Variants in SPOCK1 observed in about 807,000 individuals in gnomAD.
The protein encoded by SPOCK1 is testican-1.
In SPOCK1, 23 loss-of-function variants were observed where a neutral mutation model predicts 55.3. That is an observed-to-expected ratio of 0.42 (90% CI 0.30 to 0.59). The LOEUF is 0.59. SPOCK1 is among the 20% of genes least tolerant of loss of function. SPOCK1 has a pLI of 0.22. For missense variants in SPOCK1, 499 were observed against 552.5 expected (o/e 0.90, Z 0.97); for synonymous variants, 226 against 221.0 (o/e 1.02, Z -0.20).
chr5:137,396,653 T>A (rs1751855337), intron 2 of SPOCK1, among the ~76,000 whole-genome samples: 1 of 152,246 alleles, frequency 6.6e-6, no homozygotes, highest in African/African-American at 2.4e-5. Flanking sequence ...TCTGGTTATC[T>A]ACTCTGTTTC....
chr5:136,982,755 C>CATCTG (rs1750755633), intron 9 of SPOCK1, among the ~76,000 whole-genome samples: 1 of 152,032 alleles, frequency 6.6e-6, no homozygotes, highest in Admixed American at 6.6e-5. Context: ...TTCATTATTG[C>CATCTG]ATCTGAATAG....
At chr5:137,370,953 C>T (rs899829300) in intron 2 of SPOCK1, among the ~76,000 whole-genome samples, 1 of 152,238 alleles carries the variant, frequency 6.6e-6, no homozygotes, top group African/African-American at 2.4e-5. Flanking sequence ...GGCTGTGCTG[C>T]TCTCACAGCT....
intron 2 of SPOCK1, among the ~76,000 whole-genome samples, chr5:137,322,920 C>T (rs906112275): frequency 4.0e-5 from 6 of 151,894 alleles, no homozygotes; most frequent in South Asian, 2.1e-4. Context: ...TATGTCATAA[C>T]GTGGTAAAAG....
rs756493898 is a variant in SPOCK1, at chr5:137,227,712, TG to T, written c.232+39297del. ...AAGGTCACAGCTTCAGATCAGACCC[TG>T]GGGCTTTGCAAACAAAGATGAGGGC... On this transcript the variant is annotated intron_variant, in intron 3 of 10. Coordinates refer to ENST00000394945, the MANE Select transcript of SPOCK1 (RefSeq NM_004598.4). Among the ~76,000 whole-genome samples, 18 of 152,316 alleles carry T rather than the reference TG, an allele frequency of 1.2e-4. No individual in the cohort carries two copies. The Middle Eastern group carries it at 0.01, about 86-fold the overall frequency.
intron 2 of SPOCK1, among the ~76,000 whole-genome samples, chr5:137,319,947 G>A (rs865872835): frequency 1.2e-4 from 6 of 48,848 alleles, no homozygotes; most frequent in African/African-American, 5.9e-4. Flanking sequence ...GCGAGACTCC[G>A]TCTCAAAAAA....
At chr5:137,198,461 G>T (rs903763548) in intron 3 of SPOCK1, among the ~76,000 whole-genome samples, 1 of 152,230 alleles carries the variant, frequency 6.6e-6, no homozygotes, top group South Asian at 2.1e-4. Flanking sequence ...ATCAAAGGGA[G>T]AAAGGAAAGT....
At chr5:137,251,559 A>T (rs1334209767) in intron 3 of SPOCK1, among the ~76,000 whole-genome samples, 1 of 152,168 alleles carries the variant, frequency 6.6e-6, no homozygotes, top group African/African-American at 2.4e-5. Flanking sequence ...CTCCGATTTG[A>T]CAGAGCAGCC....
At chr5:137,275,500 G>A (rs758557455) in intron 2 of SPOCK1, among the ~76,000 whole-genome samples, 1 of 152,216 alleles carries the variant, frequency 6.6e-6, no homozygotes. Flanking sequence ...AGGGCAGGAG[G>A]TGCTGATTCA....
intron 2 of SPOCK1, among the ~76,000 whole-genome samples, chr5:137,495,202 T>C (rs1253791316): frequency 6.6e-6 from 1 of 152,218 alleles, no homozygotes; most frequent in African/African-American, 2.4e-5. Flanking sequence ...AAGGCTTTAC[T>C]TCTAAAAAGA....
chr5:137,135,410 T>C (rs746592569), intron 4 of SPOCK1, among the ~76,000 whole-genome samples: 1 of 152,194 alleles, frequency 6.6e-6, no homozygotes, highest in African/African-American at 2.4e-5. Context: ...GCTTAAAGAC[T>C]TTCTGTTTGT....
intron 3 of SPOCK1, among the ~76,000 whole-genome samples, chr5:137,152,984 C>T (rs1580778828): frequency 6.6e-6 from 1 of 152,346 alleles, no homozygotes; most frequent in East Asian, 1.9e-4. Context: ...TGTAAGTCTG[C>T]TAAATCCAGT....
intron 6 of SPOCK1, among the ~76,000 whole-genome samples, chr5:137,060,465 G>A (rs1752376348): frequency 6.6e-6 from 1 of 152,138 alleles, no homozygotes; most frequent in African/African-American, 2.4e-5. Flanking sequence ...GAGTGTGGGA[G>A]GAGGGTGAGG....
chr5:137,250,086 G>A (rs763771286), intron 3 of SPOCK1, among the ~76,000 whole-genome samples: 9 of 152,246 alleles, frequency 5.9e-5, no homozygotes, highest in East Asian at 1.9e-4. Context: ...TAAAGTAGGT[G>A]AAAAACTTAA....
At chr5:137,435,598 T>C (rs1400513854) in intron 2 of SPOCK1, among the ~76,000 whole-genome samples, 1 of 152,214 alleles carries the variant, frequency 6.6e-6, no homozygotes, top group African/African-American at 2.4e-5. Context: ...GGGGCACATA[T>C]AAGCCATCCT....
At chr5:137,179,036 T>C (rs1261872169) in intron 3 of SPOCK1, among the ~76,000 whole-genome samples, 2 of 152,330 alleles carry the variant, frequency 1.3e-5, no homozygotes, top group South Asian at 2.1e-4. Flanking sequence ...GGCTAATACA[T>C]GACTGACTAC....
intron 2 of SPOCK1, among the ~76,000 whole-genome samples, chr5:137,459,544 CG>C (rs1260897921): frequency 6.6e-6 from 1 of 151,288 alleles, no homozygotes; most frequent in East Asian, 1.9e-4. Context: ...AAGAGCTGAC[CG>C]GAACACCAAG....
At chr5:137,281,599 C>A (rs912125417) in intron 2 of SPOCK1, among the ~76,000 whole-genome samples, 1 of 152,250 alleles carries the variant, frequency 6.6e-6, no homozygotes. Flanking sequence ...CAGAAATATG[C>A]AGGAGAAAGC....
intron 5 of SPOCK1, among the ~76,000 whole-genome samples, chr5:137,069,245 C>T (rs1752564664): frequency 6.6e-6 from 1 of 152,178 alleles, no homozygotes; most frequent in Non-Finnish European, 1.5e-5. Flanking sequence ...TGTGTCACTC[C>T]AATGATCACC....
intron 2 of SPOCK1, among the ~76,000 whole-genome samples, chr5:137,285,526 G>GA (rs1436613027): frequency 6.6e-6 from 1 of 152,114 alleles, no homozygotes; most frequent in Non-Finnish European, 1.5e-5. Flanking sequence ...AAGACCGTCA[G>GA]AAAAATGGCC....
Sources: gnomAD v4.1 joint callset for allele counts (sites outside exome capture counted in the v4.1 genomes callset) on GRCh38, gnomAD v4.1.1 for gene constraint, MANE v1.5 for transcripts, NCBI Gene and HGNC (gene_info 2026-07-23, HGNC 2026-07-21) for gene names.